Variants in SCN4A observed in about 807,000 individuals in gnomAD.
SCN4A encodes sodium voltage-gated channel alpha subunit 4, also known as sodium channel protein type 4 subunit alpha.
SCN4A carries 83 observed loss-of-function variants against 162.0 expected under a neutral mutation model. The observed-to-expected ratio is 0.51, with a 90% CI of 0.43 to 0.61. The LOEUF is 0.61. SCN4A is among the 20% of genes least tolerant of loss of function. SCN4A has a pLI of 0.00. For missense variants in SCN4A, 2,196 were observed against 2,462.5 expected, an observed-to-expected ratio of 0.89 and a Z score of 2.29; for synonymous variants, 944 against 985.1, an observed-to-expected ratio of 0.96 and a Z score of 0.78.
At position 63,945,283 on chromosome 17, in the gene SCN4A, G is replaced by T; in HGVS notation, c.3720+77C>A. ...GTCCCCTAACCAGGAGTGACACTGG[G>T]GTTGGGTACAACGAGAGGACCGGGG... On this transcript the variant is annotated intron_variant, in intron 19 of 23. Coordinates refer to ENST00000435607, the MANE Select transcript of SCN4A (RefSeq NM_000334.4). This position sits in a 1 kb window ranked among gnomAD's most constrained non-coding sequence, Gnocchi z 4.4. 1 of 1,272,374 alleles carries T rather than the reference G, an allele frequency of 7.9e-7. No individual in the cohort carries two copies. The highest frequency in any genetic ancestry group is 1.1e-6 in the Non-Finnish European group (1 of 921,060). 78.8% of individuals were successfully genotyped at this position (1,272,374 alleles called of 1,614,324 possible).
chr17:63,960,810 C>T (rs535940743), intron 11 of SCN4A, among the ~76,000 whole-genome samples: 1 of 152,172 alleles, frequency 6.6e-6, no homozygotes, highest in African/African-American at 2.4e-5. Context: ...TGGCTCCTTT[C>T]AGGCCCATGA....
At chr17:63,948,883 C>G in intron 15 of SCN4A, 118 bp from the exon 16 acceptor site, 1 of 889,776 alleles carries the variant, frequency 1.1e-6, no homozygotes, top group East Asian at 2.8e-5. Context: ...GCTCCCAGAC[C>G]CAGGGCCCCC....
Position 63,972,666 on chromosome 17 carries a change from T to C in SCN4A, c.176A>G (p.Glu59Gly). 6.2e-7 allele frequency: 1 copy of C among 1,613,274 alleles called. No individual in the cohort carries two copies. The highest frequency in any genetic ancestry group is 1.1e-5 in the South Asian group (1 of 90,896). The change falls in exon 1 of 24, where the codon GAG (glutamate) becomes GGG (glycine). Residue 59 changes from glutamate (E) to glycine (G), a missense_variant. Physicochemically the swap from Glu to Gly is moderately conservative, Grantham distance 98. Coordinates refer to ENST00000435607, the MANE Select transcript of SCN4A (RefSeq NM_000334.4). This position sits in a 1 kb window ranked among gnomAD's most constrained non-coding sequence, Gnocchi z 4.3. Reference protein sequence around the residue: ...EPERKPRSDLEAGKNLPMIYG... With the variant: ...EPERKPRSDLGAGKNLPMIYG... ...GATCATGGGTAGGTTCTTGCCAGCC[T>C]CCAAGTCACTTCGTGGCTTCCGTTC...
chr17:63,953,800 C>A (rs58582631), intron 13 of SCN4A, among the ~76,000 whole-genome samples: 12,348 of 152,186 alleles, frequency 0.081, 1,256 homozygotes, highest in African/African-American at 0.24. Flanking sequence ...TAAACTGAGT[C>A]CTAGAGAGGT....
intron 22 of SCN4A, 29 bp from the exon 23 acceptor site, chr17:63,943,125 G>A (rs768313078): frequency 8.1e-6 from 13 of 1,595,584 alleles, no homozygotes; most frequent in Non-Finnish European, 1.1e-5. Context: ...TGGATGTGGA[G>A]GAGTTGGGGT....
intron 13 of SCN4A, among the ~76,000 whole-genome samples, chr17:63,952,597 C>T (rs549649296): frequency 5.0e-4 from 76 of 152,160 alleles, no homozygotes; most frequent in African/African-American, 1.6e-3. Flanking sequence ...CTTTATAGAC[C>T]CCGCACTCCT....
At chr17:63,947,790 C>A (rs1049499401) in intron 17 of SCN4A, 100 bp downstream of exon 17, 2 of 1,217,694 alleles carry the variant, frequency 1.6e-6, no homozygotes, top group South Asian at 1.5e-5. Context: ...CTGGGGGTGG[C>A]CTCGGGCAGG....
chr17:63,948,787 G>A lies in SCN4A; in HGVS notation c.2990-22C>T, dbSNP rs200078640. The A allele has an allele frequency of 3.8e-5, 60 of 1,581,594 alleles. 1 individual carries two copies. In the East Asian group the frequency reaches 1.3e-3, roughly 35 times the overall value. On this transcript the variant is annotated intron_variant, in intron 15 of 23. Coordinates refer to ENST00000435607, the MANE Select transcript of SCN4A (RefSeq NM_000334.4). ...CAGGCTGATGGGGTGAGGGGGGACA[G>A]GGACAGGCACCACATCATGGGCCTG...
chr17:63,952,027 C>T, intron 13 of SCN4A, 127 bp from the exon 14 acceptor site: 1 of 616,850 alleles, frequency 1.6e-6, no homozygotes, highest in Non-Finnish European at 2.8e-6. Context: ...TAAAAGAACG[C>T]CACCTAAGAG....
rs1296775421 is a variant in SCN4A, at chr17:63,944,764, T to C, written c.3821A>G (p.Tyr1274Cys). ...GCCAAAGATGATGAAGATGACAAAG[T>C]AGAGGTACATGTAGAGGTTCACCTC... is the stretch of plus-strand genomic sequence containing the variant. ...QYEVNLYMYL[Y>C]FVIFIIFGSF... is the part of the protein sequence containing the mutation. Residue 1274 changes from tyrosine (Y) to cysteine (C), a missense_variant, in exon 21 of 24, where the codon TAC becomes TGC. Coordinates refer to ENST00000435607, the MANE Select transcript of SCN4A (RefSeq NM_000334.4). The surrounding 1 kb of genome is among the most constrained non-coding windows in gnomAD (Gnocchi z 4.3). 5 of 1,613,764 alleles carry C rather than the reference T, an allele frequency of 3.1e-6. No homozygotes were observed. The African/African-American group carries it at 6.7e-5, about 22-fold the overall frequency.
chr17:63,946,942 C>G, intron 18 of SCN4A, 103 bp downstream of exon 18: 1 of 1,165,344 alleles, frequency 8.6e-7, no homozygotes. Context: ...CTCTCTGCTT[C>G]CCTCTGGTGG....
Position 63,966,218 on chromosome 17 carries a change from T to A in SCN4A, c.1126A>T (p.Ile376Phe), listed in dbSNP as rs1909440343. ...AGHCPEGYECIKTGRNPNYGY... is the reference protein window; with the variant it reads ...AGHCPEGYECFKTGRNPNYGY... The stretch of plus-strand genomic sequence containing the variant: ...TAGTTGGGGTTCCGCCCGGTCTTGA[T>A]GCACTCATAACCCTCAGGGCAGTGC... Residue 376 changes from isoleucine (I) to phenylalanine (F), a missense_variant, in exon 8 of 24, where the codon ATC becomes TTC. Physicochemically the swap from Ile to Phe is conservative, Grantham distance 21. Transcript: ENST00000435607. 5 of 1,604,422 alleles carry A rather than the reference T, an allele frequency of 3.1e-6. No individual in the cohort carries two copies. The highest frequency in any genetic ancestry group is 4.3e-6 in the Non-Finnish European group (5 of 1,175,586).
chr17:63,948,596 C>G lies in SCN4A; in HGVS notation c.3144+15G>C, dbSNP rs762732510. On this transcript the variant is annotated intron_variant, in intron 16 of 23. Coordinates refer to ENST00000435607, the MANE Select transcript of SCN4A (RefSeq NM_000334.4). ...TGGCCCCTGCCCCTGACCCGTGCTC[C>G]CAGGCAGTGCCTACCAGAGCCCCAC... 3 of 1,610,868 alleles carry G rather than the reference C, an allele frequency of 1.9e-6. No individual in the cohort carries two copies. In the East Asian group the frequency reaches 6.7e-5, roughly 36 times the overall value.
At position 63,966,515 on chromosome 17, in the gene SCN4A, C is replaced by T. The variant is rs750384234; in HGVS notation, c.1066G>A (p.Asp356Asn). 8.1e-6 allele frequency: 13 copies of T among 1,613,900 alleles called. No individual in the cohort carries two copies. The highest frequency in any genetic ancestry group is 3.3e-4 in the Middle Eastern group (2 of 6,062). Reference sequence around the variant, plus strand: ...CTGCTGTTCCCACAGAGCAGGGCATCGTTGGAGCCCTCCAGGAAGTAGAAG... The same window carrying T: ...CTGCTGTTCCCACAGAGCAGGGCATTGTTGGAGCCCTCCAGGAAGTAGAAG... ...GNFYFLEGSNDALLCGNSSDA... is the reference protein window; with the variant it reads ...GNFYFLEGSNNALLCGNSSDA... Residue 356 changes from aspartate to asparagine, a missense_variant, in exon 7 of 24, where the codon GAT becomes AAT. Transcript: ENST00000435607.
Position 63,972,676 on chromosome 17 carries a change from T to G in SCN4A, c.166A>C (p.Ser56Arg). 6.2e-7 allele frequency: 1 copy of G among 1,613,596 alleles called. No individual in the cohort carries two copies. Among genetic ancestry groups the G allele is most frequent in the Non-Finnish European group, 8.5e-7 (1 of 1,179,704 alleles). ...EIEEPERKPRSDLEAGKNLPM... is the reference protein window; with the variant it reads ...EIEEPERKPRRDLEAGKNLPM... ...AGGTTCTTGCCAGCCTCCAAGTCAC[T>G]TCGTGGCTTCCGTTCGGGCTCCTCA... is the stretch of plus-strand genomic sequence containing the variant. Residue 56 changes from serine to arginine, a missense_variant, in exon 1 of 24, where the codon AGT (serine) becomes CGT (arginine). Coordinates refer to ENST00000435607, the MANE Select transcript of SCN4A (RefSeq NM_000334.4). This position sits in a 1 kb window ranked among gnomAD's most constrained non-coding sequence, Gnocchi z 4.3.
At chr17:63,969,841 C>T (rs905408813) in intron 5 of SCN4A, among the ~76,000 whole-genome samples, 1 of 151,966 alleles carries the variant, frequency 6.6e-6, no homozygotes, top group African/African-American at 2.4e-5. Flanking sequence ...CGGGGTTTCA[C>T]CACGTTGGCC....
At chr17:63,962,745 C>T (rs1162890729) in intron 10 of SCN4A, among the ~76,000 whole-genome samples, 3 of 152,148 alleles carry the variant, frequency 2.0e-5, no homozygotes, top group Non-Finnish European at 2.9e-5. Context: ...TCCACCCCTA[C>T]CCTGTGCTTC....
At chr17:63,958,811 C>T (rs1909154144) in intron 12 of SCN4A, among the ~76,000 whole-genome samples, 1 of 152,224 alleles carries the variant, frequency 6.6e-6, no homozygotes, top group Non-Finnish European at 1.5e-5. Context: ...CCTTGGCCTC[C>T]CAAAGTGTTG....
intron 15 of SCN4A, 93 bp from the exon 16 acceptor site, chr17:63,948,858 G>T: frequency 1.6e-6 from 2 of 1,219,802 alleles, no homozygotes; most frequent in Non-Finnish European, 2.2e-6. Context: ...TGGCATCCCA[G>T]GATGCCCCTC....
Sources: allele counts gnomAD v4.1 joint callset (sites outside exome capture counted in the v4.1 genomes callset), GRCh38; gene constraint gnomAD v4.1.1; non-coding constraint Gnocchi (gnomAD v3.1); transcripts MANE v1.5; gene names NCBI Gene and HGNC (gene_info 2026-07-23, HGNC 2026-07-21).